The following PDE4D variants were observed in gnomAD, a reference collection of about 807,000 sequenced individuals.
PDE4D encodes phosphodiesterase 4D.
A neutral mutation model predicts 87.4 loss-of-function variants in PDE4D; 24 were observed. That is an observed-to-expected ratio of 0.27 (90% CI 0.20 to 0.39). The LOEUF is 0.39. PDE4D is among the 10% of genes least tolerant of loss of function. PDE4D has a pLI of 1.00. For synonymous variants in PDE4D, 384 were observed against 383.2 expected, an observed-to-expected ratio of 1.00 and a Z score of -0.02; for missense variants, 714 against 1,041.0, an observed-to-expected ratio of 0.69 and a Z score of 4.32.
At position 59,745,287 on chromosome 5, in the gene PDE4D, G is replaced by A. The variant is rs114942267; in HGVS notation, c.455+147881C>T. On this transcript the variant is annotated intron_variant, in intron 1 of 14. Coordinates refer to ENST00000340635, the MANE Select transcript of PDE4D (RefSeq NM_001104631.2). ...CAATCTCCAGGGGAAAAATTCTCGGGTGATGCTAGTTATAATTCTATGCTC... is the reference window on the plus strand; with the variant it reads ...CAATCTCCAGGGGAAAAATTCTCGGATGATGCTAGTTATAATTCTATGCTC... Among the ~76,000 whole-genome samples, 1,516 of 152,248 alleles carry A rather than the reference G, an allele frequency of 1.0e-2. 18 individuals carry two copies. The highest frequency in any genetic ancestry group is 0.014 in the Non-Finnish European group (965 of 68,016).
intron 11 of PDE4D, among the ~76,000 whole-genome samples, chr5:58,983,185 C>G (rs867543901): frequency 1.4e-4 from 22 of 152,264 alleles, no homozygotes; most frequent in African/African-American, 4.8e-4. Context: ...AGTGCTGCAG[C>G]TGTATACTTC....
At chr5:60,123,643 AT>A (rs2149383820) in intron 2 of PDE4D, among the ~76,000 whole-genome samples, 1 of 152,282 alleles carries the variant, frequency 6.6e-6, no homozygotes, top group South Asian at 2.1e-4. Context: ...GCCAAACCGT[AT>A]CAAACCTCAA....
At chr5:59,796,417 G>A (rs1160184718) in intron 1 of PDE4D, among the ~76,000 whole-genome samples, 5 of 150,592 alleles carry the variant, frequency 3.3e-5, no homozygotes, top group African/African-American at 1.3e-4. Context: ...CACAGTTGCA[G>A]GTATGTGGCT....
At chr5:59,255,051 A>T (rs1365399972) in intron 1 of PDE4D, among the ~76,000 whole-genome samples, 1 of 152,114 alleles carries the variant, frequency 6.6e-6, no homozygotes, top group African/African-American at 2.4e-5. Context: ...CAGCAATTCC[A>T]CTACTAGGAA....
At chr5:60,431,545 T>C (rs1583746763) in intron 1 of PDE4D, among the ~76,000 whole-genome samples, 1 of 141,784 alleles carries the variant, frequency 7.1e-6, no homozygotes, top group African/African-American at 2.7e-5. Flanking sequence ...CCTCACTTCC[T>C]AGATGGGATG....
chr5:59,655,157 T>G (rs1488955368), intron 1 of PDE4D, among the ~76,000 whole-genome samples: 1 of 152,096 alleles, frequency 6.6e-6, no homozygotes, highest in Non-Finnish European at 1.5e-5. Context: ...AAAAAAAAAT[T>G]CTCTGAAAAA....
intron 5 of PDE4D, among the ~76,000 whole-genome samples, chr5:59,080,979 C>A (rs569308536): frequency 6.6e-6 from 1 of 152,072 alleles, no homozygotes; most frequent in Non-Finnish European, 1.5e-5. Flanking sequence ...ATTGACATCC[C>A]AAGTTTATGT....
rs556828555 is a variant in PDE4D at position 59,250,724 on chromosome 5, G to A, written c.456-34756C>T. On this transcript the variant is annotated intron_variant, in intron 1 of 14. Transcript: ENST00000340635. ...ACCAAAAAGAGCCCGAATAGCCAAG[G>A]CAATTCTAATAAAAAATAACAAAGC... Among the ~76,000 whole-genome samples the A allele has an allele frequency of 2.0e-5, 3 of 152,070 alleles. No homozygotes were observed. In the South Asian group the frequency reaches 6.2e-4, roughly 32 times the overall value.
Position 59,465,522 on chromosome 5 carries a change from T to A in PDE4D, c.456-249554A>T, listed in dbSNP as rs114902335. Among the ~76,000 whole-genome samples the A allele has an allele frequency of 6.6e-3, 1,002 of 152,364 alleles. 6 individuals carry two copies. The highest frequency in any genetic ancestry group is 0.023 in the African/African-American group (949 of 41,574). The stretch of plus-strand genomic sequence containing the variant: ...TATTTACTACACAACACTGATTTTT[T>A]AAAATTTTATACATATTTTTAGACT... On this transcript the variant is annotated intron_variant, in intron 1 of 14. Coordinates refer to ENST00000340635, the MANE Select transcript of PDE4D (RefSeq NM_001104631.2).
At chr5:59,210,887 C>T (rs1321691032) in intron 2 of PDE4D, among the ~76,000 whole-genome samples, 1 of 152,168 alleles carries the variant, frequency 6.6e-6, no homozygotes, top group South Asian at 2.1e-4. Context: ...AGTTTTGTGA[C>T]TTAATTCTAC....
At chr5:59,613,251 C>T (rs147682450) in intron 1 of PDE4D, among the ~76,000 whole-genome samples, 1 of 152,228 alleles carries the variant, frequency 6.6e-6, no homozygotes, top group African/African-American at 2.4e-5. Context: ...GAGTCAAAGA[C>T]AACAACAAAG....
intron 1 of PDE4D, among the ~76,000 whole-genome samples, chr5:59,303,150 C>G (rs1404633492): frequency 6.6e-6 from 1 of 152,168 alleles, no homozygotes; most frequent in Non-Finnish European, 1.5e-5. Flanking sequence ...TGATGTTGAG[C>G]ATTTTTTCAT....
chr5:60,193,495 C>G (rs1308573776), intron 1 of PDE4D, among the ~76,000 whole-genome samples: 2 of 151,256 alleles, frequency 1.3e-5, no homozygotes, highest in Non-Finnish European at 2.9e-5. Context: ...AAGATGAAAC[C>G]CCGTCTCTAC....
chr5:59,176,854 G>A lies in PDE4D; in HGVS notation c.808+3741C>T, dbSNP rs960507149. ...TCATCTCTATCACAAAGCTACCAGC[G>A]TCTGTGAATTGTGATGAGAATAAAG... is the stretch of plus-strand genomic sequence containing the variant. On this transcript the variant is annotated intron_variant, in intron 5 of 14. Transcript: ENST00000340635. Among the ~76,000 whole-genome samples, 23 of 152,252 alleles carry A rather than the reference G, an allele frequency of 1.5e-4. No individual in the cohort carries two copies. In the South Asian group the frequency reaches 2.3e-3, roughly 15 times the overall value.
rs1031559691 is a variant in PDE4D at position 58,974,216 on chromosome 5, G to C, written c.*448C>G. ...TCTGTGGCTCATCCTCCTCCTACTG[G>C]TAACAGATTCGTGCTATGTCCTGTT... On this transcript the variant is annotated 3_prime_UTR_variant, in exon 15 of 15. Transcript: ENST00000340635. The C allele has an allele frequency of 1.3e-5, 2 of 152,860 alleles. No homozygotes were observed. The highest frequency in any genetic ancestry group is 6.5e-5 in the Admixed American group (1 of 15,350). 9.5% of individuals were successfully genotyped at this position (152,860 alleles called of 1,614,324 possible).
chr5:58,983,192 C>T (rs899638519), intron 11 of PDE4D, among the ~76,000 whole-genome samples: 2 of 152,268 alleles, frequency 1.3e-5, no homozygotes, highest in Non-Finnish European at 2.9e-5. Flanking sequence ...CAGCTGTATA[C>T]TTCCGGTGGT....
At chr5:60,229,698 C>T (rs2149621092) in intron 1 of PDE4D, among the ~76,000 whole-genome samples, 1 of 152,164 alleles carries the variant, frequency 6.6e-6, no homozygotes, top group African/African-American at 2.4e-5. Flanking sequence ...TAGATTCTGG[C>T]CCACTTACTA....
rs114574784 is a variant in PDE4D, at chr5:60,177,742, C to A, written c.42+7815G>T. 4.5e-3 allele frequency among the ~76,000 whole-genome samples: 682 copies of A among 152,232 alleles called. 7 individuals carry two copies. The highest frequency in any genetic ancestry group is 0.016 in the African/African-American group (648 of 41,542). On this transcript the variant is annotated intron_variant, in intron 2 of 16. Coordinates refer to the PDE4D transcript ENST00000502484. Reference sequence around the variant, plus strand: ...TCATAGCTTTGGAGTTGAAAGAAATCTTTTCGTTTATTTAATCTACTCCTC... The same window carrying A: ...TCATAGCTTTGGAGTTGAAAGAAATATTTTCGTTTATTTAATCTACTCCTC...
chr5:59,807,920 A>T lies in PDE4D; in HGVS notation c.455+85248T>A, dbSNP rs373533411. 2.6e-5 allele frequency among the ~76,000 whole-genome samples: 4 copies of T among 152,198 alleles called. No individual in the cohort carries two copies. In the East Asian group the frequency reaches 7.7e-4, roughly 29 times the overall value. On this transcript the variant is annotated intron_variant, in intron 1 of 14. Coordinates refer to ENST00000340635, the MANE Select transcript of PDE4D (RefSeq NM_001104631.2). ...CCCTACCCAAGACCTACGGAGACAG[A>T]CGTCTGTGGTGGGGTTGGGAAATCT... is the stretch of plus-strand genomic sequence containing the variant.
Sources: gnomAD v4.1 joint callset for allele counts (sites outside exome capture counted in the v4.1 genomes callset) on GRCh38, gnomAD v4.1.1 for gene constraint, MANE v1.5 for transcripts, NCBI Gene and HGNC (gene_info 2026-07-23, HGNC 2026-07-21) for gene names.